MAP4K3: variants seen among roughly 807,000 people sequenced by gnomAD.
MAP4K3 encodes mitogen-activated protein kinase kinase kinase kinase 3.
In MAP4K3, 94 loss-of-function variants were observed where a neutral mutation model predicts 143.5. The observed-to-expected ratio is 0.65, with a 90% CI of 0.55 to 0.78. The LOEUF (loss-of-function observed/expected upper bound fraction) is 0.78, where lower values mean the gene tolerates loss of function less well. Ranked by LOEUF, MAP4K3 falls within the 30% of genes least tolerant of loss-of-function variation. MAP4K3 has a pLI of 0.00. For synonymous variants in MAP4K3, 416 were observed against 347.2 expected (o/e 1.20, Z -2.20); for missense variants, 1,077 against 1,068.1 (o/e 1.01, Z -0.12).
chr2:39,301,585 G>C (rs993899344), intron 15 of MAP4K3, among the ~76,000 whole-genome samples: 1 of 152,110 alleles, frequency 6.6e-6, no homozygotes, highest in African/African-American at 2.4e-5. Context: ...GCACACATTC[G>C]TGTGGAATGG....
At chr2:39,263,056 C>T (rs997245514) in intron 28 of MAP4K3, among the ~76,000 whole-genome samples, 13 of 151,768 alleles carry the variant, frequency 8.6e-5, no homozygotes, top group African/African-American at 3.1e-4. Context: ...CATGCCACTG[C>T]ACTCCAGCCT....
At chr2:39,423,195 G>T (rs866091369) in intron 1 of MAP4K3, among the ~76,000 whole-genome samples, 32 of 152,112 alleles carry the variant, frequency 2.1e-4, no homozygotes, top group African/African-American at 7.5e-4. Flanking sequence ...TACCATTAGG[G>T]ACAGCAAATT....
At chr2:39,436,308 T>C (rs1249432082) in intron 1 of MAP4K3, among the ~76,000 whole-genome samples, 2 of 150,794 alleles carry the variant, frequency 1.3e-5, no homozygotes, top group Non-Finnish European at 3.0e-5. Context: ...GAAAACAAAG[T>C]TGCTCTTTCC....
In MAP4K3 at chr2:39,295,008, C is replaced by A. The variant is rs531716850; in HGVS notation, c.1179-1740G>T. ...GTAGCAGACATGAGAATTTAGCTGTCTTCTATTAAGGCAATGTTAACAAGA... is the reference window on the plus strand; with the variant it reads ...GTAGCAGACATGAGAATTTAGCTGTATTCTATTAAGGCAATGTTAACAAGA... On this transcript the variant is annotated intron_variant, in intron 16 of 33. Transcript: ENST00000263881. Among the ~76,000 whole-genome samples, 6 of 150,368 alleles carry A rather than the reference C, an allele frequency of 4.0e-5. No individual in the cohort carries two copies. In the East Asian group the frequency reaches 1.2e-3, roughly 29 times the overall value.
intron 1 of MAP4K3, among the ~76,000 whole-genome samples, chr2:39,421,744 G>C (rs1667554133): frequency 6.6e-6 from 1 of 151,990 alleles, no homozygotes; most frequent in African/African-American, 2.4e-5. Context: ...CAAATCATTT[G>C]ATGTAGTTTG....
chr2:39,337,471 A>T, intron 5 of MAP4K3, 55 bp downstream of exon 5: 1 of 1,300,400 alleles, frequency 7.7e-7, no homozygotes, highest in Non-Finnish European at 1.1e-6. Flanking sequence ...AATGCACAGT[A>T]AGTAAAGCCT....
chr2:39,383,533 A>C (rs1162111834), intron 1 of MAP4K3, among the ~76,000 whole-genome samples: 1 of 152,094 alleles, frequency 6.6e-6, no homozygotes, highest in East Asian at 1.9e-4. Flanking sequence ...CTACAAGGGC[A>C]ACCAATTCAT....
intron 2 of MAP4K3, among the ~76,000 whole-genome samples, chr2:39,376,782 C>A (rs1666229418): frequency 2.0e-5 from 3 of 152,174 alleles, no homozygotes; most frequent in Admixed American, 6.5e-5. Flanking sequence ...CTCATTAGAA[C>A]CATTTCATTA....
At chr2:39,432,573 T>A (rs1031725223) in intron 1 of MAP4K3, among the ~76,000 whole-genome samples, 1 of 152,244 alleles carries the variant, frequency 6.6e-6, no homozygotes, top group Admixed American at 6.5e-5. Context: ...AATGTTCTTT[T>A]CTAAATGCTT....
chr2:39,274,509 C>T (rs925426306), intron 24 of MAP4K3, among the ~76,000 whole-genome samples: 45 of 152,236 alleles, frequency 3.0e-4, no homozygotes, highest in Admixed American at 2.9e-3. Flanking sequence ...CATGAGCCAT[C>T]GCGCCTGACC....
At chr2:39,414,435 A>C (rs554862133) in intron 1 of MAP4K3, among the ~76,000 whole-genome samples, 6 of 152,280 alleles carry the variant, frequency 3.9e-5, no homozygotes, top group Non-Finnish European at 7.4e-5. Context: ...TGTTAGGCAA[A>C]TTTTTTAGAA....
intron 1 of MAP4K3, among the ~76,000 whole-genome samples, chr2:39,406,411 A>G (rs1247071104): frequency 1.3e-5 from 2 of 152,198 alleles, no homozygotes; most frequent in Non-Finnish European, 2.9e-5. Context: ...TTTAACCCAA[A>G]GAAGACTACC....
At chr2:39,408,219 C>T (rs1374451479) in intron 1 of MAP4K3, among the ~76,000 whole-genome samples, 1 of 152,130 alleles carries the variant, frequency 6.6e-6, no homozygotes, top group East Asian at 1.9e-4. Context: ...TCAGGAAGTA[C>T]CTTCTCAGTA....
At chr2:39,356,221 C>T (rs1455265421) in intron 3 of MAP4K3, 28 bp downstream of exon 3, 4 of 1,366,266 alleles carry the variant, frequency 2.9e-6, no homozygotes, top group Non-Finnish European at 4.1e-6. Flanking sequence ...ATCATTATTG[C>T]TTTTCAAAAG....
In MAP4K3 at chr2:39,309,490, T is replaced by C; in HGVS notation, c.1027A>G (p.Arg343Gly). 6.3e-7 allele frequency: 1 copy of C among 1,595,106 alleles called. No individual in the cohort carries two copies. Among genetic ancestry groups the C allele is most frequent in the Non-Finnish European group, 8.5e-7 (1 of 1,173,320 alleles). ...TCATGATGTGGTTCTGTCTCCTTTC[T>C]TAAGGGTGGATCAAATTTCACTTGG... ...FGQVKFDPPL[R>G]KETEPHHELP... Residue 343 changes from arginine (R) to glycine (G), a missense_variant, in exon 14 of 34, where the codon AGA (arginine) becomes GGA (glycine). By Grantham distance (125) the Arg-to-Gly change is moderately radical. Around this residue, in one of 2 missense-constraint regions of MAP4K3, gnomAD observed 864 missense variants for 801.2 expected, o/e 1.08. Transcript: ENST00000263881.
At chr2:39,399,632 C>T (rs528242505) in intron 1 of MAP4K3, among the ~76,000 whole-genome samples, 73 of 152,240 alleles carry the variant, frequency 4.8e-4, no homozygotes, top group Non-Finnish European at 8.5e-4. Flanking sequence ...GGATTTGAGG[C>T]GATATTTTAG....
chr2:39,282,450 G>C (rs1388547749), intron 22 of MAP4K3, 63 bp downstream of exon 22: 17 of 1,326,952 alleles, frequency 1.3e-5, no homozygotes, highest in Non-Finnish European at 1.1e-6. Context: ...AAAAACCTAA[G>C]CAAAGATAAC....
intron 13 of MAP4K3, among the ~76,000 whole-genome samples, chr2:39,311,877 A>G (rs1186142067): frequency 6.6e-6 from 1 of 152,246 alleles, no homozygotes. Flanking sequence ...AGATATACAG[A>G]AAGTGAGAGA....
intron 15 of MAP4K3, 118 bp from the exon 16 acceptor site, chr2:39,299,919 G>C: frequency 2.6e-6 from 1 of 390,838 alleles, no homozygotes; most frequent in Non-Finnish European, 4.6e-6. Context: ...AAATAAATCT[G>C]TATTGCTATA....
Sources: allele counts gnomAD v4.1 joint callset (sites outside exome capture counted in the v4.1 genomes callset), GRCh38; gene constraint gnomAD v4.1.1; regional missense constraint gnomAD v4.1.1; transcripts MANE v1.5; gene names NCBI Gene and HGNC (gene_info 2026-07-23, HGNC 2026-07-21).